LRRC28: variants seen among roughly 807,000 people sequenced by gnomAD.
The protein encoded by LRRC28 is leucine rich repeat containing 28.
LRRC28 carries 39 observed loss-of-function variants against 45.7 expected under a neutral mutation model. That is an observed-to-expected ratio of 0.85 (90% confidence interval 0.66 to 1.12). The LOEUF (loss-of-function observed/expected upper bound fraction) is 1.12. Ranked by LOEUF, LRRC28 falls within the 50% of genes most tolerant of loss-of-function variation. LRRC28 has a pLI of 0.00. For missense variants in LRRC28, 435 were observed against 438.5 expected (o/e 0.99, Z 0.07); for synonymous variants, 206 against 178.8 (o/e 1.15, Z -1.22).
At position 99,259,696 on chromosome 15, in the gene LRRC28, C is replaced by T. The variant is rs557713865; in HGVS notation, c.168+3571C>T. 2.1e-5 allele frequency: 29 copies of T among 1,386,790 alleles called. No homozygotes were observed. In the Admixed American group the frequency reaches 2.8e-4, roughly 14 times the overall value. The allele number at this position is 1,386,790 out of a possible 1,614,324, so 85.9% of individuals were successfully genotyped here. Reference sequence around the variant, plus strand: ...AAATTAATCCCAGACATCCGCTGATCAGAGACATGCTTCGACGAATTAAGG... The same window carrying T: ...AAATTAATCCCAGACATCCGCTGATTAGAGACATGCTTCGACGAATTAAGG... On this transcript the variant is annotated intron_variant, in intron 2 of 9. Coordinates refer to ENST00000301981, the MANE Select transcript of LRRC28 (RefSeq NM_144598.5).
intron 2 of LRRC28, among the ~76,000 whole-genome samples, chr15:99,268,057 C>A (rs1345419326): frequency 6.6e-6 from 1 of 152,130 alleles, no homozygotes; most frequent in Non-Finnish European, 1.5e-5. Flanking sequence ...AAAATAAGGT[C>A]TCCTAATTTG....
chr15:99,256,246 T>G, intron 2 of LRRC28, 121 bp downstream of exon 2: 1 of 661,020 alleles, frequency 1.5e-6, no homozygotes, highest in Non-Finnish European at 2.3e-6. Context: ...TATATACAGT[T>G]AATATAAATA....
chr15:99,285,495 C>T, intron 3 of LRRC28: 1 of 1,054,194 alleles, frequency 9.5e-7, no homozygotes, highest in Admixed American at 1.9e-5. Flanking sequence ...TCCTCAGGCT[C>T]TCATCGGTTG....
chr15:99,382,713 G>C (rs1957865450), intron 9 of LRRC28, among the ~76,000 whole-genome samples: 1 of 152,012 alleles, frequency 6.6e-6, no homozygotes, highest in Non-Finnish European at 1.5e-5. Flanking sequence ...CTGTCCAGGT[G>C]GGCAAATCTC....
intron 5 of LRRC28, among the ~76,000 whole-genome samples, chr15:99,303,893 AAGAC>A (rs747689749): frequency 3.7e-4 from 57 of 152,290 alleles, no homozygotes; most frequent in African/African-American, 1.1e-3. Context: ...TTTCTCAACA[AAGAC>A]AGAGCATTGT....
At chr15:99,352,321 T>C (rs775841239) in intron 6 of LRRC28, 48 bp from the exon 7 acceptor site, 4 of 1,208,120 alleles carry the variant, frequency 3.3e-6, no homozygotes, top group Middle Eastern at 1.9e-4. Context: ...TTTCACATTA[T>C]AATGGTGCCT....
At position 99,301,989 on chromosome 15, in the gene LRRC28, A is replaced by T. The variant is rs185185774; in HGVS notation, c.385+14038A>T. On this transcript the variant is annotated intron_variant, in intron 5 of 9. Transcript: ENST00000301981. ...TCTAAATAATATCTTCTTAAACTTTATAACAATGTCAATAATTTTGTTCTT... is the reference window on the plus strand; with the variant it reads ...TCTAAATAATATCTTCTTAAACTTTTTAACAATGTCAATAATTTTGTTCTT... Among the ~76,000 whole-genome samples the T allele has an allele frequency of 2.0e-5, 3 of 151,612 alleles. No homozygotes were observed. In the East Asian group the frequency reaches 5.8e-4, roughly 29 times the overall value.
intron 9 of LRRC28, among the ~76,000 whole-genome samples, chr15:99,371,099 C>CTG (rs10624557): frequency 0.96 from 145,904 of 152,202 alleles, 69,977 homozygotes; most frequent in East Asian, 1. Flanking sequence ...GAGCAAGACT[C>CTG]TCTCAAAAAC....
At chr15:99,282,163 G>A (rs1019059416) in intron 3 of LRRC28, among the ~76,000 whole-genome samples, 1 of 81,282 alleles carries the variant, frequency 1.2e-5, no homozygotes, top group Non-Finnish European at 2.3e-5. Context: ...GATTCCTTAT[G>A]CAAATTTTTG....
At chr15:99,278,092 G>C (rs528760894) in intron 3 of LRRC28, among the ~76,000 whole-genome samples, 4 of 152,090 alleles carry the variant, frequency 2.6e-5, no homozygotes, top group Admixed American at 6.5e-5. Flanking sequence ...GAGTTTTCCA[G>C]GTATACTCTT....
intron 5 of LRRC28, among the ~76,000 whole-genome samples, chr15:99,311,756 G>A (rs1955420720): frequency 1.3e-5 from 2 of 152,102 alleles, no homozygotes; most frequent in South Asian, 2.1e-4. Context: ...TTACCATCTG[G>A]CCCTTTACTG....
intron 3 of LRRC28, among the ~76,000 whole-genome samples, chr15:99,282,268 T>C (rs913620806): frequency 1.4e-5 from 2 of 147,798 alleles, no homozygotes; most frequent in Admixed American, 1.4e-4. Flanking sequence ...CTCTGATATG[T>C]GTCTCCATAA....
chr15:99,381,152 A>C (rs1957809429), intron 9 of LRRC28, among the ~76,000 whole-genome samples: 1 of 152,166 alleles, frequency 6.6e-6, no homozygotes, highest in African/African-American at 2.4e-5. Flanking sequence ...CATTCTCCCC[A>C]TCACTTTCAA....
chr15:99,380,656 C>T (rs542193826), intron 9 of LRRC28, among the ~76,000 whole-genome samples: 206 of 152,292 alleles, frequency 1.4e-3, no homozygotes, highest in African/African-American at 4.0e-3. Flanking sequence ...TGCCATGTTT[C>T]TGCAGTGGCT....
chr15:99,348,437 G>C (rs1956764854), intron 6 of LRRC28, among the ~76,000 whole-genome samples: 1 of 152,084 alleles, frequency 6.6e-6, no homozygotes, highest in Non-Finnish European at 1.5e-5. Context: ...TCAATTTTGA[G>C]TTGGTTTTTG....
At chr15:99,308,673 C>T (rs901082596) in intron 5 of LRRC28, among the ~76,000 whole-genome samples, 1 of 151,932 alleles carries the variant, frequency 6.6e-6, no homozygotes, top group African/African-American at 2.4e-5. Flanking sequence ...ACCCTGTCTC[C>T]AAAAAATAAA....
intron 7 of LRRC28, chr15:99,355,575 A>G (rs1957023409): frequency 6.6e-6 from 1 of 152,176 alleles, no homozygotes; most frequent in Non-Finnish European, 1.5e-5. Context: ...TCTTGTTATT[A>G]CAGGAGTAAA....
At chr15:99,318,501 G>C (rs1196243414) in intron 5 of LRRC28, among the ~76,000 whole-genome samples, 2 of 151,924 alleles carry the variant, frequency 1.3e-5, no homozygotes, top group African/African-American at 2.4e-5. Flanking sequence ...GAAATGAAAA[G>C]ATAACATCTT....
intron 5 of LRRC28, among the ~76,000 whole-genome samples, chr15:99,290,190 C>T (rs939282162): frequency 6.7e-5 from 10 of 149,448 alleles, no homozygotes; most frequent in South Asian, 2.1e-4. Context: ...ACCTGGGAGG[C>T]GGAGGTTGCA....
Sources: allele counts gnomAD v4.1 joint callset (sites outside exome capture counted in the v4.1 genomes callset), GRCh38; gene constraint gnomAD v4.1.1; transcripts MANE v1.5; gene names NCBI Gene and HGNC (gene_info 2026-07-23, HGNC 2026-07-21).